UTRN: variants seen among roughly 807,000 people sequenced by gnomAD.
UTRN encodes dystrophin-related protein 1.
UTRN carries 283 observed loss-of-function variants against 463.9 expected under a neutral mutation model. That is an observed-to-expected ratio of 0.61 (90% CI 0.55 to 0.67). The LOEUF (loss-of-function observed/expected upper bound fraction) is 0.67, where lower values mean the gene tolerates loss of function less well. Ranked by LOEUF, UTRN falls within the 30% of genes least tolerant of loss-of-function variation. UTRN has a pLI of 0.00. For missense variants in UTRN, 3,922 were observed against 4,084.3 expected (o/e 0.96, Z 1.08); for synonymous variants, 1,442 against 1,431.5 (o/e 1.01, Z -0.17).
chr6:144,759,873 A>C (rs2128727144), intron 58 of UTRN, among the ~76,000 whole-genome samples: 1 of 152,262 alleles, frequency 6.6e-6, no homozygotes, highest in East Asian at 1.9e-4. Context: ...TAGAAAATTA[A>C]TGCATGTACT....
chr6:144,647,688 T>C (rs1225861323), intron 51 of UTRN, among the ~76,000 whole-genome samples: 2 of 152,256 alleles, frequency 1.3e-5, no homozygotes, highest in African/African-American at 4.8e-5. Context: ...GAATGTCTCC[T>C]ATAAGGCCTT....
intron 34 of UTRN, among the ~76,000 whole-genome samples, chr6:144,505,559 G>A (rs758084403): frequency 6.6e-6 from 1 of 152,130 alleles, no homozygotes; most frequent in Non-Finnish European, 1.5e-5. Context: ...GTAGTTGTGC[G>A]GTTTTGAGTG....
chr6:144,636,305 C>G (rs1585703860), intron 51 of UTRN, among the ~76,000 whole-genome samples: 1 of 151,946 alleles, frequency 6.6e-6, no homozygotes, highest in Non-Finnish European at 1.5e-5. Context: ...AAAACCAAAC[C>G]CTGCATGTTC....
intron 51 of UTRN, among the ~76,000 whole-genome samples, chr6:144,622,077 G>A (rs1471060599): frequency 6.7e-6 from 1 of 150,152 alleles, no homozygotes; most frequent in Non-Finnish European, 1.5e-5. Context: ...TTAATAAACA[G>A]TTGAATATTT....
rs1199579909 is a variant in UTRN, at chr6:144,622,184, GTT to G, written c.7479+44916_7479+44917del. 6.4e-3 allele frequency among the ~76,000 whole-genome samples: 565 copies of G among 88,170 alleles called. 2 individuals carry two copies. Among genetic ancestry groups the G allele is most frequent in the African/African-American group, 0.024 (542 of 22,984 alleles). The allele number at this position is 88,170 out of a possible 152,430, so 57.8% of individuals were successfully genotyped here. Reference sequence around the variant, plus strand: ...TAGATGGTATCCATTTTTTTTTGTTGTTTTTTTTTTTTTTTTTTTTTGGAGAC... The same window carrying G: ...TAGATGGTATCCATTTTTTTTTGTTGTTTTTTTTTTTTTTTTTTTGGAGAC... On this transcript the variant is annotated intron_variant, in intron 51 of 74. Coordinates refer to ENST00000367545, the MANE Select transcript of UTRN (RefSeq NM_007124.3).
rs574628907 is a variant in UTRN at position 144,476,386 on chromosome 6, A to G, written c.3336+1627A>G. 1.1e-4 allele frequency among the ~76,000 whole-genome samples: 16 copies of G among 152,080 alleles called. No individual in the cohort carries two copies. In the South Asian group the frequency reaches 3.3e-3, roughly 32 times the overall value. On this transcript the variant is annotated intron_variant, in intron 25 of 74. Coordinates refer to ENST00000367545, the MANE Select transcript of UTRN (RefSeq NM_007124.3). ...ACTAGGGAGGCTTAACGAAGTAGTG[A>G]TGGAGGGCATGAGAAATATTAGGTT...
At chr6:144,701,718 G>A (rs1784608768) in intron 53 of UTRN, among the ~76,000 whole-genome samples, 2 of 152,028 alleles carry the variant, frequency 1.3e-5, no homozygotes, top group South Asian at 2.1e-4. Context: ...TGACAAACAC[G>A]AATGCACACA....
At position 144,548,816 on chromosome 6, in the gene UTRN, G is replaced by A. The variant is rs751330199; in HGVS notation, c.6772G>A (p.Asp2258Asn). ...MLKSNIVTVG[D>N]VEEINKTVSR... ...GAAGTCCAACATTGTCACTGTTGGG[G>A]ATGTAGAAGAGATCAATAAGACCGT... Residue 2258 changes from aspartate (D) to asparagine (N), a missense_variant, in exon 47 of 75, where the codon GAT becomes AAT. Physicochemically the swap from Asp to Asn is conservative, Grantham distance 23. Transcript: ENST00000367545. The A allele has an allele frequency of 6.2e-7, 1 of 1,613,908 alleles. No individual in the cohort carries two copies. The highest frequency in any genetic ancestry group is 8.5e-7 in the Non-Finnish European group (1 of 1,179,962).
intron 58 of UTRN, among the ~76,000 whole-genome samples, chr6:144,768,256 TAATA>T (rs1018715195): frequency 8.6e-6 from 1 of 116,686 alleles, no homozygotes; most frequent in Non-Finnish European, 1.6e-5. Context: ...TTATGAATAA[TAATA>T]GATAGGTGGA....
intron 2 of UTRN, among the ~76,000 whole-genome samples, chr6:144,305,994 A>G (rs750457257): frequency 3.3e-4 from 51 of 152,244 alleles, no homozygotes; most frequent in Admixed American, 3.3e-4. Flanking sequence ...TATTAAATAA[A>G]AAAAGCTTCC....
rs144967524 is a variant in UTRN, at chr6:144,493,397, A to G, written c.4534A>G (p.Lys1512Glu). Residue 1512 changes from lysine (K) to glutamate (E), a missense_variant, in exon 33 of 75, where the codon AAA (lysine) becomes GAA (glutamate). Transcript: ENST00000367545. ...IVQKQQTDNP[K>E]GMDEQLTSLK... Reference sequence around the variant, plus strand: ...CCAGAAACAGCAAACGGACAACCCAAAAGGGATGGATGAGCAGCTGACTTC... The same window carrying G: ...CCAGAAACAGCAAACGGACAACCCAGAAGGGATGGATGAGCAGCTGACTTC... 2.4e-5 allele frequency: 39 copies of G among 1,613,986 alleles called. No individual in the cohort carries two copies. The highest frequency in any genetic ancestry group is 1.6e-4 in the Middle Eastern group (1 of 6,080).
chr6:144,343,914 A>C, intron 2 of UTRN, among the ~76,000 whole-genome samples: 1 of 152,022 alleles, frequency 6.6e-6, no homozygotes, highest in East Asian at 1.9e-4. Flanking sequence ...ACAGGAAGCA[A>C]AGTTATAATC....
intron 65 of UTRN, 53 bp downstream of exon 65, chr6:144,803,200 G>A: frequency 9.3e-7 from 1 of 1,075,382 alleles, no homozygotes; most frequent in Non-Finnish European, 1.2e-6. Flanking sequence ...GAATTAACTA[G>A]TATCTAAAAT....
chr6:144,347,377 A>T (rs1777676928), intron 2 of UTRN, among the ~76,000 whole-genome samples: 1 of 152,182 alleles, frequency 6.6e-6, no homozygotes. Context: ...ACTAGACTGA[A>T]AGCTCCATGG....
intron 2 of UTRN, chr6:144,344,102 A>AAAC (rs1562271748): frequency 8.5e-7 from 1 of 1,171,030 alleles, no homozygotes; most frequent in African/African-American, 1.6e-5. Context: ...AAAAAAAAAA[A>AAAC]AAAAAAAACC....
At chr6:144,801,787 T>C (rs1407434199) in intron 64 of UTRN, among the ~76,000 whole-genome samples, 1 of 152,114 alleles carries the variant, frequency 6.6e-6, no homozygotes, top group Non-Finnish European at 1.5e-5. Context: ...GGCCCTTAGC[T>C]CTGTTTTCAT....
chr6:144,530,459 A>G (rs188130373), intron 41 of UTRN, among the ~76,000 whole-genome samples: 29 of 152,356 alleles, frequency 1.9e-4, no homozygotes, highest in Admixed American at 1.5e-3. Flanking sequence ...TTGATTGGAC[A>G]TAATTCAGTA....
At chr6:144,489,096 C>T (rs898268871) in intron 30 of UTRN, among the ~76,000 whole-genome samples, 11 of 152,000 alleles carry the variant, frequency 7.2e-5, no homozygotes, top group African/African-American at 2.7e-4. Context: ...GTCACCCAGG[C>T]TGGAGTGCAG....
chr6:144,433,228 G>A (rs1160634540), intron 9 of UTRN, among the ~76,000 whole-genome samples: 2 of 151,986 alleles, frequency 1.3e-5, no homozygotes, highest in African/African-American at 4.8e-5. Flanking sequence ...GTGGTGGCCG[G>A]GCAGAGGGGC....
Sources: gnomAD v4.1 joint callset for allele counts (sites outside exome capture counted in the v4.1 genomes callset) on GRCh38, gnomAD v4.1.1 for gene constraint, MANE v1.5 for transcripts, NCBI Gene and HGNC (gene_info 2026-07-23, HGNC 2026-07-21) for gene names.